Variants in CTC1 observed in about 807,000 individuals in gnomAD.
The protein encoded by CTC1 is CST complex subunit CTC1.
In CTC1, 91 loss-of-function variants were observed where a neutral mutation model predicts 136.3. The observed-to-expected ratio is 0.67, with a 90% CI of 0.56 to 0.79. The LOEUF (loss-of-function observed/expected upper bound fraction) is 0.79, where lower values mean the gene tolerates loss of function less well. Ranked by LOEUF, CTC1 falls within the 30% of genes least tolerant of loss-of-function variation. The probability of loss-of-function intolerance (pLI) is 0.00; values close to 1 mark genes in which losing one functional copy is unlikely to be tolerated. For synonymous variants in CTC1, 606 were observed against 613.8 expected, an observed-to-expected ratio of 0.99 and a Z score of 0.19; for missense variants, 1,432 against 1,498.1, an observed-to-expected ratio of 0.96 and a Z score of 0.73.
intron 15 of CTC1, chr17:8,231,012 A>G (rs1987169908): frequency 2.0e-6 from 1 of 497,216 alleles, no homozygotes; most frequent in East Asian, 3.3e-5. Context: ...GGTGGCGTGC[A>G]CCCCTATAAT....
At chr17:8,237,741 T>C (rs993274541) in intron 4 of CTC1, among the ~76,000 whole-genome samples, 80 of 132,712 alleles carry the variant, frequency 6.0e-4, no homozygotes, top group Non-Finnish European at 1.1e-3. Flanking sequence ...TTTTTCCCTA[T>C]AAATGCTGTC....
At position 8,226,652 on chromosome 17, in the gene CTC1, G is replaced by C. The variant is rs1168374955; in HGVS notation, c.*1528C>G. On this transcript the variant is annotated 3_prime_UTR_variant, in exon 23 of 23. Coordinates refer to ENST00000651323, the MANE Select transcript of CTC1 (RefSeq NM_025099.6). ...GAACCTGCGCGGGGAGACCCCAATGGATTTCTAGTCCATCGCCTTAACCAC... is the reference window on the plus strand; with the variant it reads ...GAACCTGCGCGGGGAGACCCCAATGCATTTCTAGTCCATCGCCTTAACCAC... 1 of 152,244 alleles carries C rather than the reference G, an allele frequency of 6.6e-6. No individual in the cohort carries two copies. The highest frequency in any genetic ancestry group is 1.5e-5 in the Non-Finnish European group (1 of 68,050). 9.4% of individuals were successfully genotyped at this position (152,244 alleles called of 1,614,324 possible). A position where few individuals can be genotyped will look rare whatever the true frequency, so the allele number is the denominator to read the frequency against.
intron 11 of CTC1, 184 bp downstream of exon 11, chr17:8,232,722 A>G (rs1987351190): frequency 1.3e-6 from 1 of 790,052 alleles, no homozygotes; most frequent in Non-Finnish European, 2.1e-6. Context: ...CATGCTGGAA[A>G]TTCTGGCTAG....
intron 4 of CTC1, 134 bp from the exon 5 acceptor site, chr17:8,237,653 G>C: frequency 1.8e-5 from 2 of 112,726 alleles, no homozygotes; most frequent in Non-Finnish European, 1.7e-5. Context: ...CAGCAGGAGT[G>C]AAACTACGTC....
rs747504166 is a variant in CTC1 at position 8,228,311 on chromosome 17, G to A, written c.3523C>T (p.Arg1175Trp). ...TCTCCACACTGGAATCGCTGTAGCC[G>A]AGGAGGTTCTGAGGTGGGAAGAGAG... Reference protein sequence around the residue: ...PSKIVPLEPPRLQRFQCGELP... With the variant: ...PSKIVPLEPPWLQRFQCGELP... The change falls in exon 23 of 23, where the codon CGG becomes TGG. Residue 1175 changes from arginine (R) to tryptophan (W), a missense_variant. Physicochemically the swap from Arg to Trp is moderately radical, Grantham distance 101. Coordinates refer to ENST00000651323, the MANE Select transcript of CTC1 (RefSeq NM_025099.6). 11 of 1,613,942 alleles carry A rather than the reference G, an allele frequency of 6.8e-6. No homozygotes were observed. Among genetic ancestry groups the A allele is most frequent in the Admixed American group, 1.7e-5 (1 of 59,990 alleles).
chr17:8,228,195 A>C lies in CTC1; in HGVS notation c.3639T>G (p.Leu1213=), dbSNP rs1986878083. ...ESEYSSSLGI[L]ASSC is the part of the protein sequence containing the mutation. Reference sequence around the variant, plus strand: ...TGCAGTTCAGTTAACAGGAGGAAGCAAGGATCCCCAGAGAGCTGGAGTACT... The same window carrying C: ...TGCAGTTCAGTTAACAGGAGGAAGCCAGGATCCCCAGAGAGCTGGAGTACT... The change falls in exon 23 of 23, where the codon CTT becomes CTG. Residue 1213 remains leucine (L), a synonymous_variant. Transcript: ENST00000651323. 15 of 1,613,950 alleles carry C rather than the reference A, an allele frequency of 9.3e-6. No homozygotes were observed. The highest frequency in any genetic ancestry group is 1.2e-5 in the Non-Finnish European group (14 of 1,179,900).
At chr17:8,233,592 A>C (rs1987431655) in intron 10 of CTC1, 1 of 153,426 alleles carries the variant, frequency 6.5e-6, no homozygotes, top group Non-Finnish European at 1.5e-5. Context: ...AAACATGGCA[A>C]AATCCCATCT....
rs1197051184 is a variant in CTC1, at chr17:8,226,623, A to C, written c.*1557T>G. On this transcript the variant is annotated 3_prime_UTR_variant, in exon 23 of 23. Transcript: ENST00000651323. ...AAAAAAATATGACGTAGTCGGCAGG[A>C]TTCGAACCTGCGCGGGGAGACCCCA... The C allele has an allele frequency of 6.6e-6, 1 of 152,238 alleles. No homozygotes were observed. The highest frequency in any genetic ancestry group is 2.4e-5 in the African/African-American group (1 of 41,458). The allele number at this position is 152,238 out of a possible 1,614,324, so 9.4% of individuals were successfully genotyped here.
At position 8,234,447 on chromosome 17, in the gene CTC1, C is replaced by T. The variant is rs1263768827; in HGVS notation, c.1818+8G>A. The T allele has an allele frequency of 6.4e-7, 1 of 1,551,496 alleles. No homozygotes were observed. Among genetic ancestry groups the T allele is most frequent in the Non-Finnish European group, 8.7e-7 (1 of 1,146,762 alleles). On this transcript the variant is annotated splice_region_variant and intron_variant, in intron 10 of 22. Transcript: ENST00000651323. ...AAATCACCTGAGCCCTGCTAGGGTCCCCCTTACCTGGGCTGGGCAGAAGGC... is the reference window on the plus strand; with the variant it reads ...AAATCACCTGAGCCCTGCTAGGGTCTCCCTTACCTGGGCTGGGCAGAAGGC...
chr17:8,229,251 C>T, intron 19 of CTC1, 45 bp from the exon 20 acceptor site: 1 of 1,614,110 alleles, frequency 6.2e-7, no homozygotes, highest in Non-Finnish European at 8.5e-7. Context: ...GGTCCCATCA[C>T]ATCCCTCTGG....
chr17:8,232,003 C>G lies in CTC1; in HGVS notation c.2285G>C (p.Ser762Thr), dbSNP rs1329541210. The G allele has an allele frequency of 6.2e-7, 1 of 1,604,424 alleles. No individual in the cohort carries two copies. The highest frequency in any genetic ancestry group is 8.5e-7 in the Non-Finnish European group (1 of 1,175,822). Residue 762 changes from serine to threonine, a missense_variant, in exon 13 of 23, where the codon AGT becomes ACT. Ser to Thr is a moderately conservative substitution (Grantham distance 58). Coordinates refer to ENST00000651323, the MANE Select transcript of CTC1 (RefSeq NM_025099.6). ...ASPEVPKPAL[S>T]FYVLGSWLGG... ...AAGCCAGCTCCCCAACACATAGAAA[C>G]TGAGGGCGGGCTTGGGCACCTCTGG... is the stretch of plus-strand genomic sequence containing the variant.
At position 8,229,513 on chromosome 17, in the gene CTC1, C is replaced by A; in HGVS notation, c.3012-67G>T. The A allele has an allele frequency of 2.1e-5, 31 of 1,459,216 alleles. No individual in the cohort carries two copies. Among genetic ancestry groups the A allele is most frequent in the Non-Finnish European group, 2.9e-5 (31 of 1,052,304 alleles). 90.4% of individuals were successfully genotyped at this position (1,459,216 alleles called of 1,614,324 possible). The stretch of plus-strand genomic sequence containing the variant: ...AGAACAGGCAAAGGGGTTCTGAAAG[C>A]AGGGTGGGTCTAGAAGGACTTAGAG... On this transcript the variant is annotated intron_variant, in intron 18 of 22. Transcript: ENST00000651323.
intron 10 of CTC1, chr17:8,233,252 T>C: frequency 9.7e-6 from 5 of 514,346 alleles, no homozygotes; most frequent in Non-Finnish European, 7.0e-6. Flanking sequence ...CAAATAGAGG[T>C]TACAGGTAAG....
chr17:8,230,590 G>A lies in CTC1; in HGVS notation c.2731C>T (p.Leu911Phe), dbSNP rs746948250. 5 of 1,614,004 alleles carry A rather than the reference G, an allele frequency of 3.1e-6. No individual in the cohort carries two copies. In the African/African-American group the frequency reaches 5.3e-5, roughly 17 times the overall value. ...AGTTTCATCCAGAGAGACGCCACAA[G>A]GGGTTCACATAGTGTCCGTGACAAA... ...EILSRTLCEP[L>F]VASLWMKLGN... The change falls in exon 16 of 23, where the codon CTT (leucine) becomes TTT (phenylalanine). Residue 911 changes from leucine to phenylalanine, a missense_variant. Physicochemically the swap from Leu to Phe is conservative, Grantham distance 22. Transcript: ENST00000651323.
rs1054545715 is a variant in CTC1, at chr17:8,226,305, C to G, written c.*1875G>C. On this transcript the variant is annotated 3_prime_UTR_variant, in exon 23 of 23. Transcript: ENST00000651323. Reference sequence around the variant, plus strand: ...GGCGCTTTAACCAACTAAGCCACGGCGCCGAAGCTGCCATAAAGGTTCCTG... The same window carrying G: ...GGCGCTTTAACCAACTAAGCCACGGGGCCGAAGCTGCCATAAAGGTTCCTG... 2.0e-5 allele frequency: 3 copies of G among 152,192 alleles called. No homozygotes were observed. Among genetic ancestry groups the G allele is most frequent in the African/African-American group, 7.2e-5 (3 of 41,436 alleles). 9.4% of individuals were successfully genotyped at this position (152,192 alleles called of 1,614,324 possible).
chr17:8,230,734 A>G, intron 15 of CTC1, 83 bp from the exon 16 acceptor site: 2 of 1,172,728 alleles, frequency 1.7e-6, no homozygotes, highest in South Asian at 1.3e-5. Flanking sequence ...CAGAAAATGG[A>G]GCTAAAGTAT....
At position 8,228,553 on chromosome 17, in the gene CTC1, A is replaced by G; in HGVS notation, c.3464T>C (p.Ile1155Thr). The G allele has an allele frequency of 1.9e-6, 3 of 1,614,186 alleles. No homozygotes were observed. The highest frequency in any genetic ancestry group is 2.5e-6 in the Non-Finnish European group (3 of 1,180,014). ...CCTTTCCAGCTCAAAAGAAAGCACA[A>G]TAGGACGGAGGACAGAGGGGCTAGT... ...LCTSPSVLRPIVLSFELERKP... is the reference protein window; with the variant it reads ...LCTSPSVLRPTVLSFELERKP... The change falls in exon 22 of 23, where the codon ATT becomes ACT. Residue 1155 changes from isoleucine to threonine, a missense_variant. Physicochemically the swap from Ile to Thr is moderately conservative, Grantham distance 89. Transcript: ENST00000651323.
Position 8,235,850 on chromosome 17 carries a change from C to T in CTC1, c.1187G>A (p.Arg396Gln), listed in dbSNP as rs1478316787. ...QQFRGLRRVM[R>Q]PGVCLQLQDV... is the part of the protein sequence containing the mutation. ...ACATACCTGCAGACACACTCCAGGT[C>T]GCATCACCCGCCTAAGGCCACGGAA... Residue 396 changes from arginine (R) to glutamine (Q), a missense_variant, in exon 7 of 23, where the codon CGA (arginine) becomes CAA (glutamine). Transcript: ENST00000651323. 4.3e-6 allele frequency: 7 copies of T among 1,612,468 alleles called. No homozygotes were observed. Among genetic ancestry groups the T allele is most frequent in the East Asian group, 4.5e-5 (2 of 44,816 alleles).
intron 7 of CTC1, chr17:8,235,512 G>A: frequency 1.7e-6 from 1 of 597,934 alleles, no homozygotes; most frequent in South Asian, 2.0e-5. Flanking sequence ...GCTCCTGGAT[G>A]AACAGACATG....
Sources: allele counts gnomAD v4.1 joint callset (sites outside exome capture counted in the v4.1 genomes callset), GRCh38; gene constraint gnomAD v4.1.1; transcripts MANE v1.5; gene names NCBI Gene and HGNC (gene_info 2026-07-23, HGNC 2026-07-21).